UVRAG: variants seen among roughly 807,000 people sequenced by gnomAD.
UVRAG encodes the protein UV radiation resistance-associated gene protein.
A neutral mutation model predicts 78.0 loss-of-function variants in UVRAG; 19 were observed. That is an observed-to-expected ratio of 0.24 (90% CI 0.17 to 0.36). UVRAG has a LOEUF of 0.36. UVRAG is among the 10% of genes least tolerant of loss of function. The pLI, the probability that UVRAG is intolerant of heterozygous loss-of-function variation, is 1.00. For synonymous variants in UVRAG, 323 were observed against 324.6 expected (o/e 1.00, Z 0.05); for missense variants, 740 against 853.8 (o/e 0.87, Z 1.66).
intron 11 of UVRAG, among the ~76,000 whole-genome samples, chr11:76,011,094 C>T (rs1284968336): frequency 6.6e-6 from 1 of 152,060 alleles, no homozygotes; most frequent in Admixed American, 6.6e-5. Context: ...TCCTTGTCTC[C>T]TAGTTTTTCA....
chr11:76,061,302 C>T (rs1284841139), intron 12 of UVRAG, among the ~76,000 whole-genome samples: 1 of 152,146 alleles, frequency 6.6e-6, no homozygotes, highest in Admixed American at 6.5e-5. Flanking sequence ...CGCCAATCAG[C>T]GCCCTGTCAA....
intron 9 of UVRAG, 125 bp downstream of exon 9, chr11:76,004,214 G>A (rs6592620): frequency 0.041 from 35,627 of 871,066 alleles, 2,044 homozygotes; most frequent in African/African-American, 0.24. Flanking sequence ...TACCACATTC[G>A]TTTATTCAAC....
At chr11:76,048,936 A>AG (rs1228911682) in intron 12 of UVRAG, among the ~76,000 whole-genome samples, 55 of 152,396 alleles carry the variant, frequency 3.6e-4, no homozygotes, top group African/African-American at 1.3e-3. Flanking sequence ...AAGCAGGCAT[A>AG]GGGCAGCAGG....
intron 12 of UVRAG, among the ~76,000 whole-genome samples, chr11:76,027,112 T>G (rs983582905): frequency 2.6e-5 from 4 of 152,160 alleles, no homozygotes; most frequent in Non-Finnish European, 5.9e-5. Context: ...ACAAGTTAAC[T>G]AAGCATTCAT....
intron 13 of UVRAG, among the ~76,000 whole-genome samples, chr11:76,095,614 T>C (rs1951774144): frequency 1.3e-5 from 2 of 151,400 alleles, no homozygotes; most frequent in Admixed American, 6.6e-5. Flanking sequence ...TTGCCTGTAA[T>C]CCCAATGCTT....
intron 12 of UVRAG, among the ~76,000 whole-genome samples, chr11:76,017,403 G>A (rs957707491): frequency 6.6e-6 from 1 of 152,132 alleles, no homozygotes; most frequent in Non-Finnish European, 1.5e-5. Context: ...TGGAAGATAG[G>A]TCAGCAGAAA....
At chr11:76,067,081 T>C (rs1328729043) in intron 13 of UVRAG, among the ~76,000 whole-genome samples, 1 of 152,200 alleles carries the variant, frequency 6.6e-6, no homozygotes, top group Non-Finnish European at 1.5e-5. Context: ...CAACCTCAGT[T>C]TAATGGTGGA....
intron 14 of UVRAG, among the ~76,000 whole-genome samples, chr11:76,129,696 A>G (rs766177550): frequency 5.3e-5 from 8 of 152,092 alleles, no homozygotes; most frequent in Non-Finnish European, 1.0e-4. Flanking sequence ...AATTCCTGCC[A>G]ATTTCTCCTG....
intron 6 of UVRAG, among the ~76,000 whole-genome samples, chr11:75,924,345 A>C (rs1264036455): frequency 6.6e-6 from 1 of 151,926 alleles, no homozygotes; most frequent in Admixed American, 6.6e-5. Flanking sequence ...GATACAGTGC[A>C]TGCTAATGAA....
chr11:75,847,196 C>T (rs778782957), intron 1 of UVRAG, among the ~76,000 whole-genome samples: 2 of 151,486 alleles, frequency 1.3e-5, no homozygotes, highest in African/African-American at 2.4e-5. Flanking sequence ...GGCGTGATCT[C>T]GGCTTACTGC....
intron 11 of UVRAG, among the ~76,000 whole-genome samples, chr11:76,011,096 A>C (rs892192950): frequency 2.0e-5 from 3 of 152,144 alleles, no homozygotes; most frequent in Non-Finnish European, 4.4e-5. Flanking sequence ...CTTGTCTCCT[A>C]GTTTTTCATA....
intron 13 of UVRAG, among the ~76,000 whole-genome samples, chr11:76,113,004 A>G (rs6592625): frequency 0.13 from 19,129 of 151,820 alleles, 3,042 homozygotes; most frequent in African/African-American, 0.37. Flanking sequence ...GAGCCACCAC[A>G]CCTGGCCAGT....
intron 1 of UVRAG, among the ~76,000 whole-genome samples, chr11:75,817,297 A>G (rs1401290999): frequency 6.6e-6 from 1 of 152,142 alleles, no homozygotes; most frequent in African/African-American, 2.4e-5. Context: ...GGGATTAGGA[A>G]AGAGAAAGCA....
At chr11:76,030,328 C>T (rs1312194262) in intron 12 of UVRAG, among the ~76,000 whole-genome samples, 3 of 152,092 alleles carry the variant, frequency 2.0e-5, no homozygotes, top group Admixed American at 6.6e-5. Context: ...CCACAACACC[C>T]GGCCAAGATA....
intron 13 of UVRAG, among the ~76,000 whole-genome samples, chr11:76,110,345 A>C (rs1280258075): frequency 3.3e-5 from 5 of 152,116 alleles, no homozygotes. Context: ...TCTGCAAGGC[A>C]GGCAACATCC....
chr11:76,039,379 A>G (rs905813096), intron 12 of UVRAG, among the ~76,000 whole-genome samples: 5 of 152,256 alleles, frequency 3.3e-5, no homozygotes, highest in African/African-American at 1.2e-4. Flanking sequence ...ATTAGACTTA[A>G]TAGTGAAACT....
At chr11:75,978,572 TA>T (rs1394347993) in intron 7 of UVRAG, among the ~76,000 whole-genome samples, 1 of 152,226 alleles carries the variant, frequency 6.6e-6, no homozygotes, top group African/African-American at 2.4e-5. Flanking sequence ...CATTTCTTTT[TA>T]CTCTTTTTTC....
intron 12 of UVRAG, among the ~76,000 whole-genome samples, chr11:76,044,756 G>A (rs890404521): frequency 6.6e-6 from 1 of 151,950 alleles, no homozygotes; most frequent in South Asian, 2.1e-4. Context: ...CCTAGGCTAC[G>A]GAGCGAGACT....
chr11:75,909,233 G>A (rs1028612791), intron 5 of UVRAG, among the ~76,000 whole-genome samples: 1 of 152,144 alleles, frequency 6.6e-6, no homozygotes, highest in African/African-American at 2.4e-5. Context: ...TGTAATCCCA[G>A]CTAATTGGGA....
Sources: gnomAD v4.1 joint callset for allele counts (sites outside exome capture counted in the v4.1 genomes callset) on GRCh38, gnomAD v4.1.1 for gene constraint, MANE v1.5 for transcripts, NCBI Gene and HGNC (gene_info 2026-07-23, HGNC 2026-07-21) for gene names.